The following CLASP1 variants were observed in gnomAD, a reference collection of about 807,000 sequenced individuals.
CLASP1 encodes CLIP-associating protein 1.
In CLASP1, 38 loss-of-function variants were observed where a neutral mutation model predicts 192.3. The ratio of observed to expected loss-of-function variants is 0.20; its 90% CI spans 0.15 to 0.26. The LOEUF (loss-of-function observed/expected upper bound fraction) is 0.26. Ranked by LOEUF, CLASP1 falls within the 10% of genes least tolerant of loss-of-function variation. The probability of loss-of-function intolerance (pLI) is 1.00; values close to 1 mark genes in which losing one functional copy is unlikely to be tolerated. For synonymous variants in CLASP1, 691 were observed against 712.8 expected, an observed-to-expected ratio of 0.97 and a Z score of 0.49; for missense variants, 1,433 against 1,932.5, an observed-to-expected ratio of 0.74 and a Z score of 4.85.
chr2:121,412,795 T>A (rs1411912357), intron 23 of CLASP1, among the ~76,000 whole-genome samples: 1 of 152,198 alleles, frequency 6.6e-6, no homozygotes, highest in Non-Finnish European at 1.5e-5. Context: ...AGGGGAAATG[T>A]TTATCTGGAT....
intron 1 of CLASP1, among the ~76,000 whole-genome samples, chr2:121,647,039 C>CAAAA (rs36066876): frequency 2.8e-5 from 2 of 71,754 alleles, no homozygotes; most frequent in Admixed American, 3.2e-4. Flanking sequence ...GACTCCATCT[C>CAAAA]AAAAAAAAAA....
intron 1 of CLASP1, among the ~76,000 whole-genome samples, chr2:121,623,041 T>C (rs917330222): frequency 1.3e-5 from 2 of 152,164 alleles, no homozygotes; most frequent in East Asian, 1.9e-4. Context: ...CTGGGCAACA[T>C]AGTAAAACTC....
chr2:121,460,995 A>G, intron 11 of CLASP1, 106 bp downstream of exon 11: 1 of 685,050 alleles, frequency 1.5e-6, no homozygotes, highest in East Asian at 3.0e-5. Context: ...AACTTAAAAT[A>G]TGTACTATTT....
intron 24 of CLASP1, among the ~76,000 whole-genome samples, chr2:121,410,036 T>C (rs2077475399): frequency 6.6e-6 from 1 of 152,216 alleles, no homozygotes; most frequent in Non-Finnish European, 1.5e-5. Flanking sequence ...TGACAAAACA[T>C]GGCTGGATTA....
intron 2 of CLASP1, among the ~76,000 whole-genome samples, chr2:121,573,053 G>A (rs571709807): frequency 4.6e-4 from 70 of 152,214 alleles, no homozygotes; most frequent in Non-Finnish European, 7.6e-4. Context: ...TCCACCTCCC[G>A]GGTTCAAGCA....
chr2:121,348,727 C>A lies in CLASP1; in HGVS notation c.4207-9G>T. 3 of 1,581,514 alleles carry A rather than the reference C, an allele frequency of 1.9e-6. No individual in the cohort carries two copies. The highest frequency in any genetic ancestry group is 1.2e-5 in the South Asian group (1 of 86,152). Reference sequence around the variant, plus strand: ...TCAGCCGCTCTCACCACCTGAAACACCCAGTTCCCCCAAAGAGTGAGCTCC... The same window carrying A: ...TCAGCCGCTCTCACCACCTGAAACAACCAGTTCCCCCAAAGAGTGAGCTCC... On this transcript the variant is annotated splice_polypyrimidine_tract_variant and intron_variant, in intron 37 of 39. Coordinates refer to ENST00000263710, the Ensembl canonical transcript of CLASP1.
intron 19 of CLASP1, among the ~76,000 whole-genome samples, chr2:121,447,129 C>T (rs1475987107): frequency 6.6e-6 from 1 of 152,216 alleles, no homozygotes. Context: ...ACTTACTCAG[C>T]ACTAAAACGG....
chr2:121,638,002 TTA>T (rs1471960126), intron 1 of CLASP1, among the ~76,000 whole-genome samples: 2 of 151,780 alleles, frequency 1.3e-5, no homozygotes, highest in Non-Finnish European at 2.9e-5. Context: ...AAAGAGGACA[TTA>T]TCAAGAAAGT....
At chr2:121,609,901 T>C (rs562988630) in intron 1 of CLASP1, among the ~76,000 whole-genome samples, 1 of 152,114 alleles carries the variant, frequency 6.6e-6, no homozygotes, top group Non-Finnish European at 1.5e-5. Flanking sequence ...ATCACGCCAC[T>C]GCACTCCAGC....
intron 2 of CLASP1, among the ~76,000 whole-genome samples, chr2:121,531,208 C>T (rs1196379564): frequency 1.3e-5 from 2 of 152,130 alleles, no homozygotes; most frequent in South Asian, 2.1e-4. Flanking sequence ...CGATCATCAA[C>T]TGTTCTGTAA....
At chr2:121,609,635 A>G (rs891307732) in intron 1 of CLASP1, among the ~76,000 whole-genome samples, 1 of 152,162 alleles carries the variant, frequency 6.6e-6, no homozygotes, top group Non-Finnish European at 1.5e-5. Context: ...CCAGCCACCC[A>G]GTTTCTCTCC....
At chr2:121,542,417 A>G (rs867647374) in intron 2 of CLASP1, among the ~76,000 whole-genome samples, 25 of 152,250 alleles carry the variant, frequency 1.6e-4, no homozygotes, top group Non-Finnish European at 3.1e-4. Context: ...ACTAGATTGC[A>G]ACCTCACTAA....
At chr2:121,591,510 A>C (rs2062398642) in intron 2 of CLASP1, among the ~76,000 whole-genome samples, 1 of 152,096 alleles carries the variant, frequency 6.6e-6, no homozygotes, top group African/African-American at 2.4e-5. Flanking sequence ...GAGGTCTTTC[A>C]ATGGCTTCGA....
chr2:121,495,731 A>C (rs1361832388), intron 8 of CLASP1, among the ~76,000 whole-genome samples: 1 of 152,234 alleles, frequency 6.6e-6, no homozygotes, highest in African/African-American at 2.4e-5. Context: ...ACTCCAAAAT[A>C]ATCTGAAAAT....
chr2:121,581,260 C>CTTTTTTTTTTGTTTTTTTTTT (rs2061112840), intron 2 of CLASP1, among the ~76,000 whole-genome samples: 1 of 57,680 alleles, frequency 1.7e-5, no homozygotes, highest in African/African-American at 7.2e-5. Flanking sequence ...GCCTTTTGTT[C>CTTTTTTTTTTGTTTTTTTTTT]TTTTTTTTTT....
chr2:121,442,481 CTT>C (rs761873166), intron 19 of CLASP1, among the ~76,000 whole-genome samples: 6 of 144,340 alleles, frequency 4.2e-5, no homozygotes, highest in Non-Finnish European at 3.1e-5. Context: ...AAATTTCTTT[CTT>C]TTTTTTTTTT....
intron 2 of CLASP1, among the ~76,000 whole-genome samples, chr2:121,541,252 G>T (rs74792046): frequency 0.022 from 3,336 of 152,238 alleles, 116 homozygotes; most frequent in African/African-American, 0.077. Context: ...GTAAAAACAG[G>T]CCATTTCTGA....
chr2:121,604,929 T>C (rs1385306378), intron 2 of CLASP1, among the ~76,000 whole-genome samples: 3 of 152,128 alleles, frequency 2.0e-5, no homozygotes, highest in Non-Finnish European at 4.4e-5. Flanking sequence ...CATCTCAACC[T>C]TGACCCAAAG....
intron 30 of CLASP1, 194 bp from the exon 32 acceptor site, chr2:121,388,100 TG>T (rs1204083139): frequency 2.0e-6 from 1 of 494,056 alleles, no homozygotes; most frequent in Non-Finnish European, 3.6e-6. Context: ...AAATAAACTC[TG>T]GCTTCATTTT....
Sources: gnomAD v4.1 joint callset for allele counts (sites outside exome capture counted in the v4.1 genomes callset) on GRCh38, gnomAD v4.1.1 for gene constraint, MANE v1.5 for transcripts, NCBI Gene and HGNC (gene_info 2026-07-23, HGNC 2026-07-21) for gene names.